DCTN2: variants seen among roughly 807,000 people sequenced by gnomAD.
The protein encoded by DCTN2 is dynactin subunit 2.
In DCTN2, 18 loss-of-function variants were observed where a neutral mutation model predicts 55.4. The ratio of observed to expected loss-of-function variants is 0.32; its 90% confidence interval spans 0.22 to 0.48. The LOEUF is 0.48. Among genes scored for constraint, DCTN2 ranks in the 20% least tolerant of loss-of-function variants. The pLI is 0.99. For missense variants in DCTN2, 390 were observed against 491.0 expected (o/e 0.79, Z 1.94); for synonymous variants, 168 against 185.2 (o/e 0.91, Z 0.76).
intron 1 of DCTN2, 99 bp from the exon 2 acceptor site, chr12:57,546,195 G>A: frequency 2.6e-6 from 3 of 1,153,368 alleles, no homozygotes; most frequent in Non-Finnish European, 3.9e-6. Context: ...AAGGCGGGGT[G>A]TGATGTCAGG....
Position 57,547,019 on chromosome 12 carries a change from TG to T in DCTN2, c.36+8del. The T allele has an allele frequency of 7.7e-7, 1 of 1,292,008 alleles. No individual in the cohort carries two copies. Among genetic ancestry groups the T allele is most frequent in the Non-Finnish European group, 9.9e-7 (1 of 1,011,504 alleles). The allele number at this position is 1,292,008 out of a possible 1,614,324, so 80.0% of individuals were successfully genotyped here. A position where few individuals can be genotyped will look rare whatever the true frequency, so the allele number is the denominator to read the frequency against. On this transcript the variant is annotated splice_region_variant and intron_variant, in intron 1 of 13. Transcript: ENST00000548249. ...GGTCCTGGGGAGCCGGGGCCGGTCCTGTACTCACAATGCCGGGAAGGTCGGC... is the reference window on the plus strand; with the variant it reads ...GGTCCTGGGGAGCCGGGGCCGGTCCTTACTCACAATGCCGGGAAGGTCGGC...
At chr12:57,531,857 C>T (rs139083479) in intron 13 of DCTN2, among the ~76,000 whole-genome samples, 158 bp downstream of exon 13, 1 of 152,288 alleles carries the variant, frequency 6.6e-6, no homozygotes, top group African/African-American at 2.4e-5. Flanking sequence ...AATAAGTTGT[C>T]AAAGGGCCTT....
intron 2 of DCTN2, among the ~76,000 whole-genome samples, chr12:57,539,539 C>G (rs763484236): frequency 1.4e-4 from 22 of 152,190 alleles, no homozygotes; most frequent in Admixed American, 2.6e-4. Context: ...TTAGAACTGC[C>G]AGAAGGGGAT....
chr12:57,544,415 A>T (rs1880970623), intron 2 of DCTN2, among the ~76,000 whole-genome samples: 1 of 143,844 alleles, frequency 7.0e-6, no homozygotes, highest in Non-Finnish European at 1.5e-5. Context: ...TTATTGTTGT[A>T]CTGGTTTTTT....
chr12:57,534,369 C>T lies in DCTN2; in HGVS notation c.447G>A (p.Leu149=), dbSNP rs758538075. Residue 149 remains leucine (L), a synonymous_variant, in exon 6 of 14, where the codon CTG becomes CTA. Coordinates refer to ENST00000548249, the MANE Select transcript of DCTN2 (RefSeq NM_001261413.2). Reference sequence around the variant, plus strand: ...GCAGCTTCTCCAGGTGGGAAGCAACCAGCTGCTGCTTCAGGGCTGCCAGCT... The same window carrying T: ...GCAGCTTCTCCAGGTGGGAAGCAACTAGCTGCTGCTTCAGGGCTGCCAGCT... ...AKQLAALKQQ[L]VASHLEKLLG... 1.2e-6 allele frequency: 2 copies of T among 1,612,904 alleles called. No homozygotes were observed. Among genetic ancestry groups the T allele is most frequent in the South Asian group, 1.1e-5 (1 of 90,846 alleles).
rs76355885 is a variant in DCTN2 at position 57,531,628 on chromosome 12, C to T, written c.1119+387G>A. 6.4e-3 allele frequency among the ~76,000 whole-genome samples: 980 copies of T among 152,260 alleles called. 20 individuals carry two copies. Among genetic ancestry groups the T allele is most frequent in the African/African-American group, 0.023 (935 of 41,526 alleles). On this transcript the variant is annotated intron_variant, in intron 13 of 13. Coordinates refer to ENST00000548249, the MANE Select transcript of DCTN2 (RefSeq NM_001261413.2). ...CAGGGCCAGAAAGGAAGCGACAGAA[C>T]GAGATTAGGGCCTGCTTCTGACTTC... is the stretch of plus-strand genomic sequence containing the variant.
chr12:57,539,980 A>T (rs1880563948), intron 2 of DCTN2: 2 of 532,466 alleles, frequency 3.8e-6, no homozygotes, highest in Non-Finnish European at 4.8e-6. Flanking sequence ...TGAACCCGGC[A>T]GGCGGAGGTT....
intron 2 of DCTN2, chr12:57,538,678 C>A: frequency 1.6e-6 from 1 of 618,532 alleles, no homozygotes; most frequent in Non-Finnish European, 2.9e-6. Context: ...CACCACAGGG[C>A]CCCAGGGGAG....
chr12:57,542,555 C>T (rs528996867), intron 2 of DCTN2, among the ~76,000 whole-genome samples: 62 of 151,882 alleles, frequency 4.1e-4, no homozygotes, highest in African/African-American at 1.4e-3. Context: ...TGGTAGCTCA[C>T]GCCTGTAATC....
intron 2 of DCTN2, among the ~76,000 whole-genome samples, chr12:57,544,484 G>A (rs1283569195): frequency 2.0e-5 from 3 of 148,462 alleles, no homozygotes; most frequent in Admixed American, 6.8e-5. Context: ...GCGCAATCTC[G>A]GCTCACTGCA....
intron 10 of DCTN2, 31 bp from the exon 11 acceptor site, chr12:57,532,674 C>T (rs943000898): frequency 1.2e-6 from 2 of 1,613,564 alleles, no homozygotes; most frequent in African/African-American, 2.7e-5. Context: ...GTTGATAGGG[C>T]ATCCAGGGCT....
In DCTN2 at chr12:57,535,464, C is replaced by T. The variant is rs761492764; in HGVS notation, c.264+20G>A. ...GGTCACTACACCATTCCCATCAACA[C>T]ACACACACACACAACAAACCATCTC... On this transcript the variant is annotated intron_variant, in intron 4 of 13. Coordinates refer to ENST00000548249, the MANE Select transcript of DCTN2 (RefSeq NM_001261413.2). The T allele has an allele frequency of 6.2e-7, 1 of 1,601,154 alleles. No homozygotes were observed. The highest frequency in any genetic ancestry group is 2.2e-5 in the East Asian group (1 of 44,722).
chr12:57,532,366 G>GT, intron 11 of DCTN2, 51 bp from the exon 12 acceptor site: 2 of 1,476,662 alleles, frequency 1.4e-6, no homozygotes, highest in South Asian at 2.4e-5. Context: ...AGCCAGGTCA[G>GT]TATGTACAGA....
intron 2 of DCTN2, among the ~76,000 whole-genome samples, chr12:57,545,710 G>T (rs1319670852): frequency 2.0e-5 from 3 of 152,120 alleles, no homozygotes; most frequent in African/African-American, 4.8e-5. Context: ...TCATTTCCAT[G>T]GGTTAGAACC....
intron 2 of DCTN2, chr12:57,541,471 G>A (rs1443505597): frequency 8.2e-7 from 1 of 1,219,200 alleles, no homozygotes; most frequent in African/African-American, 1.5e-5. Context: ...ACACAATCAA[G>A]CATACTCCAG....
rs1225978206 is a variant in DCTN2, at chr12:57,546,010, G to T, written c.105+18C>A. 6.2e-7 allele frequency: 1 copy of T among 1,613,218 alleles called. No homozygotes were observed. The highest frequency in any genetic ancestry group is 1.7e-5 in the Admixed American group (1 of 59,996). On this transcript the variant is annotated intron_variant, in intron 2 of 13. Coordinates refer to ENST00000548249, the MANE Select transcript of DCTN2 (RefSeq NM_001261413.2). ...AAGGTCAGAGTCCGGAGGAGTCTGT[G>T]GCAGCACACATTCTTACCGCATCGA... is the stretch of plus-strand genomic sequence containing the variant.
chr12:57,531,581 G>A (rs567815505), intron 13 of DCTN2, among the ~76,000 whole-genome samples: 5 of 152,242 alleles, frequency 3.3e-5, no homozygotes, highest in African/African-American at 1.2e-4. Context: ...AAGAATGAAG[G>A]AGCTAGGTGA....
chr12:57,541,164 C>T lies in DCTN2; in HGVS notation c.105+4864G>A, dbSNP rs76165997. Among the ~76,000 whole-genome samples, 1,191 of 152,290 alleles carry T rather than the reference C, an allele frequency of 7.8e-3. 16 individuals are homozygous for T. The highest frequency in any genetic ancestry group is 0.027 in the African/African-American group (1,139 of 41,538). ...CTGCAGACCTCACAAGGGGAAGAGA[C>T]AATGATTCATGGATCATAGCTGTTT... On this transcript the variant is annotated intron_variant, in intron 2 of 13. Transcript: ENST00000548249.
intron 2 of DCTN2, among the ~76,000 whole-genome samples, chr12:57,545,400 C>T (rs576304170): frequency 6.6e-6 from 1 of 152,202 alleles, no homozygotes; most frequent in South Asian, 2.1e-4. Flanking sequence ...ACAAAAAAAA[C>T]CACAGAATGA....
Sources: allele counts gnomAD v4.1 joint callset (sites outside exome capture counted in the v4.1 genomes callset), GRCh38; gene constraint gnomAD v4.1.1; transcripts MANE v1.5; gene names NCBI Gene and HGNC (gene_info 2026-07-23, HGNC 2026-07-21).